The following ZNF385D variants were observed in gnomAD, a reference collection of about 807,000 sequenced individuals.
The protein encoded by ZNF385D is zinc finger protein 659.
Under a neutral mutation model 35.8 loss-of-function variants are expected in ZNF385D, and 15 were observed. The observed-to-expected ratio is 0.42, with a 90% CI of 0.28 to 0.64. The LOEUF is 0.64. Ranked by LOEUF, ZNF385D falls within the 30% of genes least tolerant of loss-of-function variation. The probability of loss-of-function intolerance (pLI) is 0.23; values close to 1 mark genes in which losing one functional copy is unlikely to be tolerated. For synonymous variants in ZNF385D, 212 were observed against 186.8 expected, an observed-to-expected ratio of 1.13 and a Z score of -1.10; for missense variants, 474 against 494.6, an observed-to-expected ratio of 0.96 and a Z score of 0.39.
intron 3 of ZNF385D, among the ~76,000 whole-genome samples, chr3:22,112,380 G>A (rs1436109086): frequency 6.6e-6 from 1 of 152,000 alleles, no homozygotes; most frequent in African/African-American, 2.4e-5. Flanking sequence ...GAAATCAGAG[G>A]AAATAATGCA....
chr3:21,782,518 A>G (rs904951001), intron 3 of ZNF385D, among the ~76,000 whole-genome samples: 1 of 152,116 alleles, frequency 6.6e-6, no homozygotes, highest in African/African-American at 2.4e-5. Context: ...CACACTGTGC[A>G]TAGATAATTA....
intron 2 of ZNF385D, among the ~76,000 whole-genome samples, chr3:21,587,897 G>A (rs1003244879): frequency 1.3e-4 from 20 of 152,178 alleles, no homozygotes; most frequent in African/African-American, 4.8e-4. Flanking sequence ...TGAGAAAAAA[G>A]GGATTATCAG....
At chr3:22,192,840 T>A (rs1463458344) in intron 2 of ZNF385D, among the ~76,000 whole-genome samples, 1 of 152,186 alleles carries the variant, frequency 6.6e-6, no homozygotes, top group Admixed American at 6.6e-5. Flanking sequence ...ACACCTTTAA[T>A]GAACCGAGCA....
At chr3:21,896,115 T>C (rs1268049305) in intron 3 of ZNF385D, among the ~76,000 whole-genome samples, 1 of 152,114 alleles carries the variant, frequency 6.6e-6, no homozygotes, top group African/African-American at 2.4e-5. Flanking sequence ...CCTGCTCCCA[T>C]GACAATATGA....
At chr3:21,547,468 G>T (rs1295679085) in intron 3 of ZNF385D, among the ~76,000 whole-genome samples, 1 of 151,320 alleles carries the variant, frequency 6.6e-6, no homozygotes, top group Non-Finnish European at 1.5e-5. Context: ...CAGAGCGTCT[G>T]ACGATAGCCC....
intron 2 of ZNF385D, among the ~76,000 whole-genome samples, chr3:22,193,556 G>C (rs1478960179): frequency 6.6e-6 from 1 of 151,848 alleles, no homozygotes; most frequent in Non-Finnish European, 1.5e-5. Flanking sequence ...TTACTGTTTT[G>C]GTTTGTATTG....
At chr3:21,810,405 G>C (rs2072864928) in intron 3 of ZNF385D, among the ~76,000 whole-genome samples, 1 of 152,006 alleles carries the variant, frequency 6.6e-6, no homozygotes, top group Non-Finnish European at 1.5e-5. Context: ...GATAGCATTA[G>C]GAGATAAACC....
At chr3:21,497,564 G>A (rs756131385) in intron 4 of ZNF385D, among the ~76,000 whole-genome samples, 1 of 152,032 alleles carries the variant, frequency 6.6e-6, no homozygotes, top group Non-Finnish European at 1.5e-5. Flanking sequence ...AATTCATATG[G>A]CCAGGTGCGA....
intron 2 of ZNF385D, among the ~76,000 whole-genome samples, chr3:22,291,793 T>C (rs1480880489): frequency 1.3e-5 from 2 of 152,074 alleles, no homozygotes; most frequent in African/African-American, 2.4e-5. Context: ...ATTCTTAGGG[T>C]TAATCCTACT....
At chr3:22,337,394 C>T (rs558590020) in intron 2 of ZNF385D, among the ~76,000 whole-genome samples, 83 of 151,946 alleles carry the variant, frequency 5.5e-4, no homozygotes, top group Non-Finnish European at 1.1e-3. Flanking sequence ...TTTAGCTTGG[C>T]GTGGTGGCGC....
intron 3 of ZNF385D, among the ~76,000 whole-genome samples, chr3:21,884,951 T>C (rs1698466776): frequency 6.6e-6 from 1 of 152,052 alleles, no homozygotes; most frequent in South Asian, 2.1e-4. Context: ...AATACAGCCA[T>C]GCTCACTTAT....
chr3:22,245,391 A>G (rs1413373808), intron 2 of ZNF385D, among the ~76,000 whole-genome samples: 1 of 151,868 alleles, frequency 6.6e-6, no homozygotes, highest in Non-Finnish European at 1.5e-5. Flanking sequence ...ACACTGCAGC[A>G]AATTCCACAT....
At chr3:21,427,254 T>C (rs1319534322) in intron 5 of ZNF385D, among the ~76,000 whole-genome samples, 4 of 152,218 alleles carry the variant, frequency 2.6e-5, no homozygotes. Flanking sequence ...TGAAAACTTC[T>C]TTATCCTAAC....
rs1332988238 is a variant in ZNF385D at position 22,247,357 on chromosome 3, A to G, written c.107-78322T>C. Among the ~76,000 whole-genome samples, 9 of 152,278 alleles carry G rather than the reference A, an allele frequency of 5.9e-5. No homozygotes were observed. The South Asian group carries it at 8.3e-4, about 14-fold the overall frequency. ...AAGTGTGTATATTTAGCATGTAAAT[A>G]TAACAAATTTTCAACCAGATTTTTT... On this transcript the variant is annotated intron_variant, in intron 2 of 5. Coordinates refer to the ZNF385D transcript ENST00000494108.
At chr3:21,893,224 GAACA>G (rs1698970893) in intron 3 of ZNF385D, among the ~76,000 whole-genome samples, 1 of 152,104 alleles carries the variant, frequency 6.6e-6, no homozygotes, top group South Asian at 2.1e-4. Context: ...ACATAAGGCA[GAACA>G]AACTGGATTG....
At chr3:22,208,242 G>A in intron 2 of ZNF385D, among the ~76,000 whole-genome samples, 1 of 151,896 alleles carries the variant, frequency 6.6e-6, no homozygotes, top group East Asian at 1.9e-4. Context: ...ATACACAATG[G>A]AGAGCTATTT....
At chr3:21,709,485 G>GAAAACAAAAC (rs71044936) in intron 1 of ZNF385D, among the ~76,000 whole-genome samples, 4,614 of 150,168 alleles carry the variant, frequency 0.031, 209 homozygotes, top group African/African-American at 0.099. Flanking sequence ...AGGCTTCTAT[G>GAAAACAAAAC]AAAACAAAAC....
intron 3 of ZNF385D, among the ~76,000 whole-genome samples, chr3:21,822,511 A>G (rs1694325360): frequency 6.6e-6 from 1 of 152,220 alleles, no homozygotes; most frequent in African/African-American, 2.4e-5. Context: ...AATTTTGCAA[A>G]ATGATTTGTC....
chr3:21,584,744 ACCATGTTTTCAGCCCTACTGGTC>A (rs1405143272), intron 2 of ZNF385D, among the ~76,000 whole-genome samples: 3 of 152,132 alleles, frequency 2.0e-5, no homozygotes, highest in East Asian at 1.9e-4. Flanking sequence ...GTCATCAGTC[ACCATGTTTTCAGCCCTACTGGTC>A]CCATGCTTTC....
Sources: allele counts gnomAD v4.1 joint callset (sites outside exome capture counted in the v4.1 genomes callset), GRCh38; gene constraint gnomAD v4.1.1; transcripts MANE v1.5; gene names NCBI Gene and HGNC (gene_info 2026-07-23, HGNC 2026-07-21).